Variants in DGKI observed in about 807,000 individuals in gnomAD.
DGKI encodes the protein diacylglycerol kinase iota, also known as DAG kinase iota.
A neutral mutation model predicts 147.5 loss-of-function variants in DGKI; 55 were observed. That is an observed-to-expected ratio of 0.37 (90% CI 0.30 to 0.47). DGKI has a LOEUF of 0.47. DGKI is among the 20% of genes least tolerant of loss of function. The probability of loss-of-function intolerance (pLI) is 1.00; values close to 1 mark genes in which losing one functional copy is unlikely to be tolerated. For missense variants in DGKI, 1,007 were observed against 1,323.8 expected, an observed-to-expected ratio of 0.76 and a Z score of 3.71; for synonymous variants, 469 against 477.1, an observed-to-expected ratio of 0.98 and a Z score of 0.22.
chr7:137,836,509 A>T (rs1407713376), intron 1 of DGKI, among the ~76,000 whole-genome samples: 3 of 152,220 alleles, frequency 2.0e-5, no homozygotes, highest in Non-Finnish European at 1.5e-5. Flanking sequence ...TCAGACATGT[A>T]AAGTGCACAT....
chr7:137,464,460 G>A (rs1004526793), intron 26 of DGKI, among the ~76,000 whole-genome samples: 5 of 152,048 alleles, frequency 3.3e-5, no homozygotes, highest in African/African-American at 1.2e-4. Context: ...CACTACTGAT[G>A]GGTCTGATGC....
chr7:137,846,134 T>TTCTCTCTCTCTC lies in DGKI; in HGVS notation c.401+316_401+327dup, dbSNP rs775814446. Among the ~76,000 whole-genome samples, 1,058 of 85,072 alleles carry TTCTCTCTCTCTC rather than the reference T, an allele frequency of 0.012. 24 individuals are homozygous for TTCTCTCTCTCTC. Among genetic ancestry groups the TTCTCTCTCTCTC allele is most frequent in the East Asian group, 0.032 (78 of 2,432 alleles). The allele number at this position is 85,072 out of a possible 152,430, so 55.8% of individuals were successfully genotyped here. A position where few individuals can be genotyped will look rare whatever the true frequency, so the allele number is the denominator to read the frequency against. ...TCTGCAACCCTTTCTCTCTCTCTCT[T>TTCTCTCTCTCTC]TCTCTCTCTCTCTCTCTCTCTCTCT... On this transcript the variant is annotated intron_variant, in intron 1 of 32. Coordinates refer to ENST00000614521, the MANE Select transcript of DGKI (RefSeq NM_001321708.2). This position sits in a 1 kb window ranked among gnomAD's most constrained non-coding sequence, Gnocchi z 4.0.
intron 1 of DGKI, among the ~76,000 whole-genome samples, chr7:137,745,816 C>T (rs909405961): frequency 6.6e-6 from 1 of 152,088 alleles, no homozygotes; most frequent in Non-Finnish European, 1.5e-5. Flanking sequence ...CTAAGATCTA[C>T]AGTAAGACCA....
chr7:137,826,399 A>C (rs1184878959), intron 1 of DGKI, among the ~76,000 whole-genome samples: 1 of 152,096 alleles, frequency 6.6e-6, no homozygotes, highest in Non-Finnish European at 1.5e-5. Context: ...ACAATGTTGC[A>C]CTCCATTTAC....
chr7:137,468,055 C>A (rs934327865), intron 24 of DGKI, among the ~76,000 whole-genome samples: 6 of 150,504 alleles, frequency 4.0e-5, no homozygotes, highest in African/African-American at 1.2e-4. Context: ...TCTAACAAAG[C>A]CCAAATATTA....
At chr7:137,751,393 T>C (rs1002185203) in intron 1 of DGKI, among the ~76,000 whole-genome samples, 3 of 152,238 alleles carry the variant, frequency 2.0e-5, no homozygotes, top group African/African-American at 7.2e-5. Flanking sequence ...TGGTATTCCA[T>C]TCACCGAGTA....
At chr7:137,840,707 A>C (rs1172458558) in intron 1 of DGKI, among the ~76,000 whole-genome samples, 1 of 152,258 alleles carries the variant, frequency 6.6e-6, no homozygotes, top group Non-Finnish European at 1.5e-5. Context: ...TAAATAAGAA[A>C]AAGGCAGAGG....
intron 26 of DGKI, among the ~76,000 whole-genome samples, chr7:137,464,130 G>A (rs539387549): frequency 2.0e-5 from 3 of 151,856 alleles, no homozygotes; most frequent in Middle Eastern, 3.4e-3. Context: ...GGTGGCAGGC[G>A]CCTGTAGTCC....
intron 1 of DGKI, among the ~76,000 whole-genome samples, chr7:137,742,818 G>T (rs1269798129): frequency 6.6e-6 from 1 of 152,094 alleles, no homozygotes; most frequent in Non-Finnish European, 1.5e-5. Context: ...ATGCATAATG[G>T]AATTTATTAC....
intron 3 of DGKI, 109 bp from the exon 4 acceptor site, chr7:137,656,649 T>C (rs1233842891): frequency 3.0e-6 from 3 of 994,336 alleles, no homozygotes; most frequent in South Asian, 3.2e-5. Context: ...ACAGCAAACA[T>C]TGTAATTATT....
intron 11 of DGKI, among the ~76,000 whole-genome samples, chr7:137,599,141 A>G (rs990836408): frequency 6.6e-6 from 1 of 152,196 alleles, no homozygotes; most frequent in Non-Finnish European, 1.5e-5. Context: ...ATGAATTTAA[A>G]ACGGAGAACC....
At chr7:137,767,466 AGAAGG>A (rs899651330) in intron 1 of DGKI, among the ~76,000 whole-genome samples, 5 of 135,634 alleles carry the variant, frequency 3.7e-5, no homozygotes, top group African/African-American at 1.1e-4. Flanking sequence ...AAAAGAGAAG[AGAAGG>A]GAAGAGAAGA....
At chr7:137,573,991 T>C (rs1818882755) in intron 17 of DGKI, among the ~76,000 whole-genome samples, 1 of 152,246 alleles carries the variant, frequency 6.6e-6, no homozygotes, top group African/African-American at 2.4e-5. Flanking sequence ...GCTTTCCTTA[T>C]ACCCTTATCA....
chr7:137,709,353 C>T (rs557091065), intron 1 of DGKI, among the ~76,000 whole-genome samples: 41 of 152,072 alleles, frequency 2.7e-4, no homozygotes, highest in Non-Finnish European at 4.7e-4. Context: ...CAACAGTATA[C>T]ATACATTTAT....
intron 21 of DGKI, among the ~76,000 whole-genome samples, chr7:137,506,410 G>A (rs1816370100): frequency 6.6e-6 from 1 of 152,168 alleles, no homozygotes; most frequent in Admixed American, 6.5e-5. Context: ...CAAAAACTAT[G>A]CTGACAATAA....
intron 28 of DGKI, among the ~76,000 whole-genome samples, chr7:137,435,983 T>C (rs942979838): frequency 6.6e-6 from 1 of 152,210 alleles, no homozygotes; most frequent in Admixed American, 6.5e-5. Flanking sequence ...TTTCACGATG[T>C]TGGCTAGGCT....
chr7:137,832,063 A>G (rs577003775), intron 1 of DGKI, among the ~76,000 whole-genome samples: 1 of 152,364 alleles, frequency 6.6e-6, no homozygotes, highest in African/African-American at 2.4e-5. Flanking sequence ...GGTCTTGGGC[A>G]GCTCCACCCT....
Position 137,822,590 on chromosome 7 carries a change from T to C in DGKI, c.401+23872A>G, listed in dbSNP as rs117187486. ...TAAGTCACAGACATGCACACCGAGC[T>C]TCCATTCAGCCTTTTGGGGCCTCTC... On this transcript the variant is annotated intron_variant, in intron 1 of 32. Transcript: ENST00000614521. 7.1e-3 allele frequency among the ~76,000 whole-genome samples: 1,086 copies of C among 152,232 alleles called. 10 individuals carry two copies. Among genetic ancestry groups the C allele is most frequent in the Non-Finnish European group, 0.012 (816 of 68,018 alleles).
chr7:137,598,403 C>T (rs544452470), intron 11 of DGKI, among the ~76,000 whole-genome samples: 18 of 152,236 alleles, frequency 1.2e-4, no homozygotes, highest in East Asian at 5.8e-4. Context: ...TTCAGCGAGA[C>T]GGGGAGGCTT....
Sources: gnomAD v4.1 joint callset for allele counts (sites outside exome capture counted in the v4.1 genomes callset) on GRCh38, gnomAD v4.1.1 for gene constraint, Gnocchi (gnomAD v3.1) non-coding constraint, MANE v1.5 for transcripts, NCBI Gene and HGNC (gene_info 2026-07-23, HGNC 2026-07-21) for gene names.